Variants in MPDZ observed in about 807,000 individuals in gnomAD.
The protein encoded by MPDZ is multiple PDZ domain crumbs cell polarity complex component, also known as multiple PDZ domain protein.
MPDZ carries 234 observed loss-of-function variants against 239.1 expected under a neutral mutation model. The observed-to-expected ratio is 0.98, with a 90% CI of 0.88 to 1.09. MPDZ has a LOEUF of 1.09. Among genes scored for constraint, MPDZ ranks in the 50% least tolerant of loss-of-function variants. The pLI is 0.00. For synonymous variants in MPDZ, 1,048 were observed against 881.3 expected (o/e 1.19, Z -3.35); for missense variants, 3,175 against 2,510.0 (o/e 1.26, Z -5.66).
intron 1 of MPDZ, among the ~76,000 whole-genome samples, chr9:13,268,871 G>A (rs1972372988): frequency 6.6e-6 from 1 of 152,214 alleles, no homozygotes; most frequent in African/African-American, 2.4e-5. Flanking sequence ...ACCATGCAGG[G>A]ACATTGGGGA....
At chr9:13,203,982 G>A (rs1956706697) in intron 12 of MPDZ, among the ~76,000 whole-genome samples, 1 of 152,104 alleles carries the variant, frequency 6.6e-6, no homozygotes, top group African/African-American at 2.4e-5. Flanking sequence ...AAAAATGGCA[G>A]AATGTTATTA....
intron 24 of MPDZ, among the ~76,000 whole-genome samples, chr9:13,155,189 G>C (rs1035639054): frequency 6.7e-6 from 1 of 150,030 alleles, no homozygotes; most frequent in Non-Finnish European, 1.5e-5. Context: ...CTGCATTCCA[G>C]CCTGGCAACA....
At chr9:13,266,217 A>G (rs1971757734) in intron 1 of MPDZ, among the ~76,000 whole-genome samples, 1 of 152,220 alleles carries the variant, frequency 6.6e-6, no homozygotes, top group Non-Finnish European at 1.5e-5. Flanking sequence ...TGTGGACAGG[A>G]ACAAAGTTTA....
chr9:13,233,245 A>G (rs1963030664), intron 3 of MPDZ, among the ~76,000 whole-genome samples: 1 of 152,190 alleles, frequency 6.6e-6, no homozygotes, highest in African/African-American at 2.4e-5. Context: ...CATAGGTAGT[A>G]GGAAGTTTAC....
Position 13,168,535 on chromosome 9 carries a change from A to G in MPDZ, c.3085T>C (p.Leu1029=), listed in dbSNP as rs1049326865. ...GMTVSANKDG[L]GMIVRSIIHG... ...ATAATGCTTCGAACGATCATCCCCA[A>G]GCCATCTTTATTAGCACTAACTGTC... is the stretch of plus-strand genomic sequence containing the variant. Residue 1029 remains leucine (L), a synonymous_variant, in exon 22 of 47, where the codon TTG becomes CTG. Transcript: ENST00000319217. 3.7e-6 allele frequency: 6 copies of G among 1,610,770 alleles called. No homozygotes were observed. Among genetic ancestry groups the G allele is most frequent in the Non-Finnish European group, 5.1e-6 (6 of 1,178,824 alleles).
intron 22 of MPDZ, among the ~76,000 whole-genome samples, chr9:13,163,515 T>G (rs761443585): frequency 1.3e-4 from 20 of 152,200 alleles, no homozygotes; most frequent in Non-Finnish European, 2.8e-4. Flanking sequence ...TGCTGACTCC[T>G]GCTGTAATGT....
At chr9:13,131,485 T>C (rs1397977559) in intron 32 of MPDZ, among the ~76,000 whole-genome samples, 4 of 152,178 alleles carry the variant, frequency 2.6e-5, no homozygotes, top group Admixed American at 2.0e-4. Context: ...AAACAGCCTG[T>C]TGTATGGCAG....
At chr9:13,107,209 T>G in intron 46 of MPDZ, 98 bp from the exon 47 acceptor site, 1 of 1,283,978 alleles carries the variant, frequency 7.8e-7, no homozygotes, top group South Asian at 1.6e-5. Flanking sequence ...TTGCTCTGCT[T>G]GTACACACAC....
intron 28 of MPDZ, 89 bp downstream of exon 28, chr9:13,139,898 T>C: frequency 2.7e-6 from 4 of 1,469,438 alleles, no homozygotes; most frequent in Middle Eastern, 1.7e-4. Flanking sequence ...AGCTGCAACA[T>C]ACTTACTTAT....
intron 24 of MPDZ, among the ~76,000 whole-genome samples, chr9:13,156,300 A>G (rs1272989445): frequency 6.6e-6 from 1 of 152,174 alleles, no homozygotes; most frequent in African/African-American, 2.4e-5. Flanking sequence ...GACACCAACC[A>G]TTTTGCATAC....
intron 46 of MPDZ, among the ~76,000 whole-genome samples, 192 bp from the exon 47 acceptor site, chr9:13,107,303 T>C (rs889421520): frequency 6.6e-6 from 1 of 152,196 alleles, no homozygotes; most frequent in Non-Finnish European, 1.5e-5. Flanking sequence ...TAAATGGTTT[T>C]AGCATTGAGA....
chr9:13,228,344 T>G (rs1186858092), intron 3 of MPDZ, among the ~76,000 whole-genome samples: 1 of 152,150 alleles, frequency 6.6e-6, no homozygotes, highest in Admixed American at 6.6e-5. Context: ...ATTATACAAC[T>G]TATTCAATTT....
intron 25 of MPDZ, among the ~76,000 whole-genome samples, chr9:13,148,953 T>G (rs796205122): frequency 4.0e-4 from 61 of 152,062 alleles, no homozygotes; most frequent in African/African-American, 1.4e-3. Flanking sequence ...TAAACAACAT[T>G]TGAGAGCAAA....
intron 13 of MPDZ, among the ~76,000 whole-genome samples, chr9:13,193,533 G>A (rs7032084): frequency 0.028 from 4,290 of 152,136 alleles, 131 homozygotes; most frequent in African/African-American, 0.079. Context: ...GCAGTGAGCC[G>A]CAAGCTCCCA....
In MPDZ at chr9:13,186,285, C is replaced by A; in HGVS notation, c.2466G>T (p.Arg822Ser). The change falls in exon 18 of 47, where the codon AGG becomes AGT. Residue 822 changes from arginine to serine, a missense_variant. Arg to Ser is a moderately radical substitution (Grantham distance 110). Coordinates refer to ENST00000319217, the MANE Select transcript of MPDZ (RefSeq NM_001378778.1). The stretch of plus-strand genomic sequence containing the variant: ...AGCCACTAACCAGAGCCAAGTCAGC[C>A]CTGAAGAGGGGTTTGTCAGCCAGCC... ...EAGLADKPLF[R>S]ADLALVGTND... 6.3e-7 allele frequency: 1 copy of A among 1,586,688 alleles called. No individual in the cohort carries two copies.
At chr9:13,108,023 C>G (rs1941773847) in intron 46 of MPDZ, among the ~76,000 whole-genome samples, 1 of 152,034 alleles carries the variant, frequency 6.6e-6, no homozygotes, top group Non-Finnish European at 1.5e-5. Flanking sequence ...CTATAGCTAG[C>G]TTGTTGTAGG....
At chr9:13,214,051 C>T (rs1957975684) in intron 10 of MPDZ, among the ~76,000 whole-genome samples, 1 of 151,972 alleles carries the variant, frequency 6.6e-6, no homozygotes, top group South Asian at 2.1e-4. Flanking sequence ...TCATAAGATT[C>T]AGCAATTCCA....
intron 1 of MPDZ, among the ~76,000 whole-genome samples, chr9:13,278,719 G>A (rs907324202): frequency 6.6e-6 from 1 of 152,094 alleles, no homozygotes; most frequent in African/African-American, 2.4e-5. Flanking sequence ...GCGGTTAAAA[G>A]GGCGCCGGTG....
rs1047469781 is a variant in MPDZ, at chr9:13,222,239, A to G, written c.741T>C (p.Ser247=). The change falls in exon 6 of 47, where the codon TCT becomes TCC. Residue 247 remains serine (S), a synonymous_variant. Transcript: ENST00000319217. ...PSAASTISAH[S]NPVHWQHMET... ...GAAAATTTTAGGTACTCACCGGATT[A>G]GAGTGAGCTGAAATTGTGCTGGCTG... The G allele has an allele frequency of 1.9e-6, 3 of 1,612,020 alleles. No homozygotes were observed. The highest frequency in any genetic ancestry group is 1.7e-5 in the Admixed American group (1 of 59,806).
Sources: allele counts gnomAD v4.1 joint callset (sites outside exome capture counted in the v4.1 genomes callset), GRCh38; gene constraint gnomAD v4.1.1; transcripts MANE v1.5; gene names NCBI Gene and HGNC (gene_info 2026-07-23, HGNC 2026-07-21).